Variants in CCDC30 observed in about 807,000 individuals in gnomAD.
CCDC30 encodes the protein coiled-coil domain-containing protein 30.
A neutral mutation model predicts 100.2 loss-of-function variants in CCDC30; 70 were observed. The observed-to-expected ratio is 0.70, with a 90% CI of 0.58 to 0.85. CCDC30 has a LOEUF of 0.85. Ranked by LOEUF, CCDC30 falls within the 40% of genes least tolerant of loss-of-function variation. The pLI, the probability that CCDC30 is intolerant of heterozygous loss-of-function variation, is 0.00. For synonymous variants in CCDC30, 233 were observed against 269.5 expected, an observed-to-expected ratio of 0.86 and a Z score of 1.33; for missense variants, 652 against 771.2, an observed-to-expected ratio of 0.85 and a Z score of 1.83.
the CCDC30 span, chr1:42,456,119 G>T: frequency 1.4e-6 from 1 of 734,412 alleles, no homozygotes; most frequent in Non-Finnish European, 2.4e-6. Flanking sequence ...AGGGCGGCGG[G>T]ACGTGACTCG....
intron 10 of CCDC30, among the ~76,000 whole-genome samples, chr1:42,605,894 A>G (rs1646491934): frequency 6.6e-6 from 1 of 152,210 alleles, no homozygotes; most frequent in South Asian, 2.1e-4. Context: ...GACTGTGAAC[A>G]ACATGGGTTT....
At chr1:42,589,675 A>G (rs1646145948) in intron 10 of CCDC30, 192 bp downstream of exon 14, 1 of 493,514 alleles carries the variant, frequency 2.0e-6, no homozygotes, top group Non-Finnish European at 3.6e-6. Flanking sequence ...AAACAGTTGG[A>G]AGGGACCAGG....
intron 6 of CCDC30, among the ~76,000 whole-genome samples, chr1:42,499,616 T>C (rs1430217284): frequency 6.6e-6 from 1 of 152,008 alleles, no homozygotes; most frequent in Non-Finnish European, 1.5e-5. Context: ...GCTGGGACTA[T>C]AGGCATGCAG....
chr1:42,485,987 C>A (rs1644044340), intron 3 of CCDC30, among the ~76,000 whole-genome samples: 1 of 152,152 alleles, frequency 6.6e-6, no homozygotes, highest in South Asian at 2.1e-4. Flanking sequence ...CAGACAGTGA[C>A]AACTGTTGGT....
rs1004062236 is a variant in CCDC30 at position 42,482,716 on chromosome 1, A to C, written c.69A>C (p.Arg23Ser). ...AAACATCACAAAACTGCCTAGGAAG[A>C]GGAATGGAACAAGTAGCAAAGAAGT... Residue 23 changes from arginine to serine, a missense_variant, in exon 3 of 17, where the codon AGA (arginine) becomes AGC (serine). Arg to Ser is a moderately radical substitution (Grantham distance 110, BLOSUM62 -1). Transcript: ENST00000668663. The C allele has an allele frequency of 4.9e-6, 6 of 1,234,054 alleles. No homozygotes were observed. In the African/African-American group the frequency reaches 9.3e-5, roughly 19 times the overall value. The allele number at this position is 1,234,054 out of a possible 1,614,324, so 76.4% of individuals were successfully genotyped here. A position where few individuals can be genotyped will look rare whatever the true frequency, so the allele number is the denominator to read the frequency against.
intron 6 of CCDC30, among the ~76,000 whole-genome samples, chr1:42,509,002 G>A (rs1277251713): frequency 6.6e-6 from 1 of 152,080 alleles, no homozygotes; most frequent in East Asian, 1.9e-4. Context: ...TTCAGCTTTT[G>A]AACTTTACAA....
Position 42,529,436 on chromosome 1 carries a change from C to T in CCDC30, c.456+30520C>T, listed in dbSNP as rs374877951. Among the ~76,000 whole-genome samples, 11 of 152,070 alleles carry T rather than the reference C, an allele frequency of 7.2e-5. No individual in the cohort carries two copies. In the East Asian group the frequency reaches 1.9e-3, roughly 27 times the overall value. On this transcript the variant is annotated intron_variant, in intron 6 of 16. Transcript: ENST00000668663. ...GCAGTGAGCTGAGATCATGCCACTG[C>T]ACTCCAGTCTGGGTGAAAGAGCAAA...
chr1:42,571,518 CT>C (rs2148574433), intron 7 of CCDC30: 2 of 151,798 alleles, frequency 1.3e-5, no homozygotes, highest in South Asian at 2.1e-4. Context: ...AGAAGGTGAG[CT>C]GGTTTAGAAT....
At chr1:42,529,165 A>G (rs1172033482) in intron 6 of CCDC30, among the ~76,000 whole-genome samples, 1 of 152,216 alleles carries the variant, frequency 6.6e-6, no homozygotes, top group Non-Finnish European at 1.5e-5. Context: ...AGATGTTAGC[A>G]AGTAGAAATC....
At chr1:42,642,758 A>G (rs2148686899) in intron 13 of CCDC30, 149 bp downstream of exon 17, 1 of 725,882 alleles carries the variant, frequency 1.4e-6, no homozygotes, top group East Asian at 3.1e-5. Flanking sequence ...AGATCATACA[A>G]GTGGCAGAAA....
chr1:42,644,574 CT>C, intron 13 of CCDC30, 118 bp from the exon 18 acceptor site: 1 of 632,890 alleles, frequency 1.6e-6, no homozygotes, highest in Non-Finnish European at 2.8e-6. Context: ...GTCAAACTTG[CT>C]TCTAAAATCT....
intron 1 of CCDC30, among the ~76,000 whole-genome samples, chr1:42,472,708 A>T (rs1643811336): frequency 6.6e-6 from 1 of 152,120 alleles, no homozygotes; most frequent in Non-Finnish European, 1.5e-5. Flanking sequence ...TTATTTTAGA[A>T]GATACACAGT....
intron 10 of CCDC30, among the ~76,000 whole-genome samples, chr1:42,603,676 T>A (rs369338230): frequency 6.6e-6 from 1 of 152,302 alleles, no homozygotes; most frequent in South Asian, 2.1e-4. Context: ...TTATTGCTGG[T>A]GGGAATGCAG....
chr1:42,570,342 A>T (rs900881259), intron 7 of CCDC30, among the ~76,000 whole-genome samples: 1 of 151,968 alleles, frequency 6.6e-6, no homozygotes, highest in African/African-American at 2.4e-5. Flanking sequence ...AAAATTAAAT[A>T]AACATTAAAA....
At chr1:42,636,965 CAAAAAAAAAAAA>C (rs1166253995) in intron 11 of CCDC30, among the ~76,000 whole-genome samples, 2 of 29,508 alleles carry the variant, frequency 6.8e-5, no homozygotes, top group Admixed American at 6.9e-4. Context: ...GACTCCATCT[CAAAAAAAAAAAA>C]AAAAAAAAAA....
chr1:42,633,549 GT>G (rs1162771213), intron 11 of CCDC30, among the ~76,000 whole-genome samples: 3 of 152,022 alleles, frequency 2.0e-5, no homozygotes, highest in Non-Finnish European at 2.9e-5. Context: ...GACTTAAGAG[GT>G]TTTTTTGTTT....
chr1:42,517,188 A>G (rs559606348), intron 6 of CCDC30, among the ~76,000 whole-genome samples: 1 of 152,288 alleles, frequency 6.6e-6, no homozygotes, highest in East Asian at 1.9e-4. Flanking sequence ...TGCTCAAGGA[A>G]TCCTCCTGCC....
chr1:42,482,955 A>G (rs1377147364), intron 3 of CCDC30, 139 bp downstream of exon 3: 1 of 573,016 alleles, frequency 1.7e-6, no homozygotes, highest in African/African-American at 1.9e-5. Flanking sequence ...GAACAGCCTC[A>G]TTTTCTACCA....
intron 11 of CCDC30, among the ~76,000 whole-genome samples, chr1:42,630,719 ATTC>A (rs1647022539): frequency 6.6e-6 from 1 of 152,050 alleles, no homozygotes. Flanking sequence ...AAGTTTACTA[ATTC>A]TTCTGCTTGA....
Sources: allele counts gnomAD v4.1 joint callset (sites outside exome capture counted in the v4.1 genomes callset), GRCh38; gene constraint gnomAD v4.1.1; transcripts MANE v1.5; gene names NCBI Gene and HGNC (gene_info 2026-07-23, HGNC 2026-07-21).